The following MYCBP2 variants were observed in gnomAD, a reference collection of about 807,000 sequenced individuals.
The protein encoded by MYCBP2 is MYC binding protein 2.
In MYCBP2, 120 loss-of-function variants were observed where a neutral mutation model predicts 525.3. The ratio of observed to expected loss-of-function variants is 0.23; its 90% confidence interval spans 0.20 to 0.27. The LOEUF is 0.27. Ranked by LOEUF, MYCBP2 falls within the 10% of genes least tolerant of loss-of-function variation. The pLI is 1.00. For synonymous variants in MYCBP2, 1,894 were observed against 1,955.8 expected, an observed-to-expected ratio of 0.97 and a Z score of 0.83; for missense variants, 4,149 against 5,657.1, an observed-to-expected ratio of 0.73 and a Z score of 8.55.
intron 34 of MYCBP2, among the ~76,000 whole-genome samples, chr13:77,178,511 C>T (rs1209679593): frequency 6.6e-6 from 1 of 152,202 alleles, no homozygotes; most frequent in African/African-American, 2.4e-5. Context: ...ATTTTTGTAA[C>T]AGCATTCAGT....
rs1186007079 is a variant in MYCBP2, at chr13:77,294,109, TATATATATATATATATATATAC to T, written c.378+2468_378+2489del. On this transcript the variant is annotated intron_variant, in intron 2 of 82. Transcript: ENST00000544440. The stretch of plus-strand genomic sequence containing the variant: ...CCATAAAGTAGATATAATGGCTATA[TATATATATATATATATATATAC>T]ATATATATATACATATATATAAAAT... 5.2e-4 allele frequency among the ~76,000 whole-genome samples: 27 copies of T among 52,418 alleles called. 1 individual carries two copies. The highest frequency in any genetic ancestry group is 0.013 in the Middle Eastern group (1 of 80). 34.4% of individuals were successfully genotyped at this position (52,418 alleles called of 152,430 possible).
chr13:77,275,234 T>C lies in MYCBP2; in HGVS notation c.749-1566A>G, dbSNP rs572035199. Among the ~76,000 whole-genome samples the C allele has an allele frequency of 2.0e-5, 3 of 152,306 alleles. No homozygotes were observed. In the East Asian group the frequency reaches 5.8e-4, roughly 29 times the overall value. ...AAATAAGGCTATTTAAAAAACAATA[T>C]TCTTCATGTAATGAAATAGAGAATG... On this transcript the variant is annotated intron_variant, in intron 4 of 82. Transcript: ENST00000544440.
chr13:77,181,654 T>TTA lies in MYCBP2; in HGVS notation c.4941+45_4941+46dup, dbSNP rs571964337. Reference sequence around the variant, plus strand: ...TAAAAGAGGCAATAAATAAAACCATTTAGAGTTTTAGTGCCTCTGTATAAA... The same window carrying TTA: ...TAAAAGAGGCAATAAATAAAACCATTTATAGAGTTTTAGTGCCTCTGTATAAA... On this transcript the variant is annotated intron_variant, in intron 33 of 82. Coordinates refer to ENST00000544440, the MANE Select transcript of MYCBP2 (RefSeq NM_015057.5). 609 of 1,486,258 alleles carry TTA rather than the reference T, an allele frequency of 4.1e-4. 1 individual carries two copies. The African/African-American group carries it at 6.9e-3, about 17-fold the overall frequency. 92.1% of individuals were successfully genotyped at this position (1,486,258 alleles called of 1,614,324 possible).
At chr13:77,060,033 C>T (rs985695310) in intron 76 of MYCBP2, among the ~76,000 whole-genome samples, 1 of 152,054 alleles carries the variant, frequency 6.6e-6, no homozygotes, top group African/African-American at 2.4e-5. Context: ...AATTATAAGG[C>T]ATGGTATAAA....
Position 77,267,911 on chromosome 13 carries a change from A to G in MYCBP2, c.1287T>C (p.Asn429=). 1 of 1,613,622 alleles carries G rather than the reference A, an allele frequency of 6.2e-7. No individual in the cohort carries two copies. The highest frequency in any genetic ancestry group is 8.5e-7 in the Non-Finnish European group (1 of 1,179,756). ...AQGYLLYRDV[N]NHSMTAIRIS... ...TCCTTATGGCTGTCATGCTGTGGTT[A>G]TTCACATCTCTATATAATAAATAAC... The change falls in exon 8 of 83, where the codon AAT becomes AAC. Residue 429 remains asparagine (N), a synonymous_variant. Transcript: ENST00000544440.
chr13:77,169,594 T>C lies in MYCBP2; in HGVS notation c.5895+20A>G. The C allele has an allele frequency of 1.3e-6, 2 of 1,576,658 alleles. No individual in the cohort carries two copies. Among genetic ancestry groups the C allele is most frequent in the Non-Finnish European group, 1.7e-6 (2 of 1,148,302 alleles). ...GATATTTAAAAAAAACATTCAAAGT[T>C]ATAGAATTAAATTACACACCTTGGG... On this transcript the variant is annotated intron_variant, in intron 39 of 82. Coordinates refer to ENST00000544440, the MANE Select transcript of MYCBP2 (RefSeq NM_015057.5).
intron 46 of MYCBP2, among the ~76,000 whole-genome samples, chr13:77,151,548 T>C (rs959046337): frequency 5.9e-5 from 9 of 152,222 alleles, no homozygotes; most frequent in African/African-American, 2.2e-4. Flanking sequence ...AATTAAACTT[T>C]GCAACTCACT....
chr13:77,218,868 A>G (rs1306485128), intron 20 of MYCBP2, among the ~76,000 whole-genome samples: 1 of 152,276 alleles, frequency 6.6e-6, no homozygotes, highest in East Asian at 1.9e-4. Context: ...TGACACTTTA[A>G]ATTTTAAAAA....
chr13:77,286,931 C>T (rs2076901546), intron 3 of MYCBP2, among the ~76,000 whole-genome samples: 1 of 147,664 alleles, frequency 6.8e-6, no homozygotes, highest in Non-Finnish European at 1.5e-5. Flanking sequence ...GTTGTCCAGG[C>T]TGGAGTGCAG....
At chr13:77,134,540 C>T (rs533542671) in intron 52 of MYCBP2, among the ~76,000 whole-genome samples, 1 of 148,256 alleles carries the variant, frequency 6.7e-6, no homozygotes, top group Non-Finnish European at 1.5e-5. Flanking sequence ...TAAAAACAAA[C>T]AAACAAACAA....
intron 26 of MYCBP2, among the ~76,000 whole-genome samples, chr13:77,198,086 A>G (rs2061954788): frequency 6.6e-6 from 1 of 152,232 alleles, no homozygotes; most frequent in African/African-American, 2.4e-5. Flanking sequence ...GTCAAATAGA[A>G]CTACATAACA....
intron 4 of MYCBP2, 32 bp from the exon 5 acceptor site, chr13:77,273,700 T>C (rs1326425221): frequency 1.4e-6 from 2 of 1,414,654 alleles, no homozygotes; most frequent in Admixed American, 2.6e-5. Flanking sequence ...ATTATATTCA[T>C]CCAACATACG....
intron 3 of MYCBP2, among the ~76,000 whole-genome samples, chr13:77,287,722 A>G (rs1478357130): frequency 2.6e-5 from 4 of 152,114 alleles, no homozygotes; most frequent in Non-Finnish European, 4.4e-5. Context: ...CAAGAAAAAT[A>G]AAAACGCATA....
At chr13:77,132,061 A>ATATATAT (rs2052973184) in intron 52 of MYCBP2, among the ~76,000 whole-genome samples, 2 of 152,202 alleles carry the variant, frequency 1.3e-5, no homozygotes, top group Non-Finnish European at 2.9e-5. Flanking sequence ...ATATTATTAC[A>ATATATAT]ATCTTAATTT....
chr13:77,112,604 A>G (rs550430254), intron 55 of MYCBP2, among the ~76,000 whole-genome samples: 16 of 151,488 alleles, frequency 1.1e-4, no homozygotes, highest in Admixed American at 3.3e-4. Flanking sequence ...CTTTAAAAAA[A>G]TTTTTCTTAA....
chr13:77,294,131 C>T (rs9544450), intron 2 of MYCBP2, among the ~76,000 whole-genome samples: 2,482 of 64,454 alleles, frequency 0.039, 57 homozygotes, highest in African/African-American at 0.071. Context: ...TATATATATA[C>T]ATATATATAT....
In MYCBP2 at chr13:77,081,806, G is replaced by GATAACTA. The variant is rs775391847; in HGVS notation, c.11193+30_11193+31insTAGTTAT. On this transcript the variant is annotated intron_variant, in intron 64 of 82. Coordinates refer to ENST00000544440, the MANE Select transcript of MYCBP2 (RefSeq NM_015057.5). This position sits in a 1 kb window ranked among gnomAD's most constrained non-coding sequence, Gnocchi z 4.6. ...CCTTTGATGTATTATTAACTAACAG[G>GATAACTA]ACAACCAGGATAATAACTGAAATGA... 4 of 1,597,414 alleles carry GATAACTA rather than the reference G, an allele frequency of 2.5e-6. No individual in the cohort carries two copies. In the East Asian group the frequency reaches 6.7e-5, roughly 27 times the overall value.
chr13:77,098,344 G>A lies in MYCBP2; in HGVS notation c.8810C>T (p.Thr2937Ile), dbSNP rs1566513558. The change falls in exon 56 of 83, where the codon ACC becomes ATC. Residue 2937 changes from threonine (T) to isoleucine (I), a missense_variant. Thr to Ile is a moderately conservative substitution (Grantham distance 89). Transcript: ENST00000544440. Reference sequence around the variant, plus strand: ...ACTATTTGTTTTTAAAGTACTTGAGGTGCAGACTTCGACCACCTCACTGTG... The same window carrying A: ...ACTATTTGTTTTTAAAGTACTTGAGATGCAGACTTCGACCACCTCACTGTG... The part of the protein sequence containing the change: ...NLHSEVVEVC[T>I]SSTLKTNSLT... 4 of 1,612,112 alleles carry A rather than the reference G, an allele frequency of 2.5e-6. No homozygotes were observed. Among genetic ancestry groups the A allele is most frequent in the South Asian group, 1.1e-5 (1 of 91,084 alleles).
At chr13:77,306,369 G>A (rs1284299040) in intron 1 of MYCBP2, among the ~76,000 whole-genome samples, 3 of 152,208 alleles carry the variant, frequency 2.0e-5, no homozygotes, top group East Asian at 1.9e-4. Context: ...TAACCTAGCC[G>A]GCTAATTAGT....
Sources: allele counts gnomAD v4.1 joint callset (sites outside exome capture counted in the v4.1 genomes callset), GRCh38; gene constraint gnomAD v4.1.1; non-coding constraint Gnocchi (gnomAD v3.1); transcripts MANE v1.5; gene names NCBI Gene and HGNC (gene_info 2026-07-23, HGNC 2026-07-21).